Variants in CSPP1 observed in about 807,000 individuals in gnomAD.
The protein encoded by CSPP1 is centrosome and spindle pole associated protein 1, also known as centrosome and spindle pole-associated protein 1.
Under a neutral mutation model 164.4 loss-of-function variants are expected in CSPP1, and 126 were observed. The observed-to-expected ratio is 0.77, with a 90% CI of 0.66 to 0.89. The LOEUF is 0.89. Among genes scored for constraint, CSPP1 ranks in the 40% least tolerant of loss-of-function variants. The pLI is 0.00. For missense variants in CSPP1, 1,395 were observed against 1,449.8 expected (o/e 0.96, Z 0.61); for synonymous variants, 472 against 476.7 (o/e 0.99, Z 0.13).
rs191456069 is a variant in CSPP1 at position 67,094,233 on chromosome 8, A to G, written c.483+592A>G. On this transcript the variant is annotated intron_variant, in intron 6 of 30. Coordinates refer to ENST00000678616, the MANE Select transcript of CSPP1 (RefSeq NM_001382391.1). ...TTAATTTGAAATATTTTGAAGTAAT[A>G]TCTCCTGGGATAGGAATTTGCATTT... Among the ~76,000 whole-genome samples, 196 of 144,230 alleles carry G rather than the reference A, an allele frequency of 1.4e-3. 1 individual carries two copies. Among genetic ancestry groups the G allele is most frequent in the Middle Eastern group, 7.4e-3 (2 of 272 alleles). The allele number at this position is 144,230 out of a possible 152,430, so 94.6% of individuals were successfully genotyped here.
At chr8:67,193,675 A>G in intron 30 of CSPP1, 73 bp downstream of exon 30, 1 of 1,333,968 alleles carries the variant, frequency 7.5e-7, no homozygotes. Context: ...CAAGGCTTTC[A>G]CTAACGTCTG....
chr8:67,064,400 T>G lies in CSPP1; in HGVS notation c.-149T>G, dbSNP rs768356971. On this transcript the variant is annotated 5_prime_UTR_variant, in exon 1 of 31. It removes an upstream start codon present in the reference 5' UTR. Transcript: ENST00000678616. ...GGAGCCCCGGCCCGGAGGTCTGTCATGCTGTTCCCGCTCCAGGTGGCCGCT... is the reference window on the plus strand; with the variant it reads ...GGAGCCCCGGCCCGGAGGTCTGTCAGGCTGTTCCCGCTCCAGGTGGCCGCT... 1 of 1,613,406 alleles carries G rather than the reference T, an allele frequency of 6.2e-7. No homozygotes were observed. The highest frequency in any genetic ancestry group is 1.1e-5 in the South Asian group (1 of 91,038).
Position 67,113,851 on chromosome 8 carries a change from C to G in CSPP1, c.1234C>G (p.Pro412Ala), listed in dbSNP as rs201880658. 6.3e-6 allele frequency: 10 copies of G among 1,581,268 alleles called. No individual in the cohort carries two copies. Among genetic ancestry groups the G allele is most frequent in the East Asian group, 2.3e-5 (1 of 44,210 alleles). Residue 412 changes from proline to alanine, a missense_variant, in exon 11 of 31, where the codon CCT becomes GCT. By Grantham distance (27) the Pro-to-Ala change is conservative. Transcript: ENST00000678616. ...GGTTGCAGCGTCTGGAGCACAAGAC[C>G]CTGAGAAATCGGTAAGGGTTTCTGG... ...LRVAASGAQD[P>A]EKSWNELLTS...
intron 24 of CSPP1, among the ~76,000 whole-genome samples, chr8:67,170,371 T>G (rs980514650): frequency 1.3e-5 from 2 of 151,902 alleles, no homozygotes; most frequent in African/African-American, 4.8e-5. Context: ...GCAGGAGAAT[T>G]GCTTGAACTG....
rs112290914 is a variant in CSPP1 at position 67,102,343 on chromosome 8, A to G, written c.924-694A>G. 3.1e-3 allele frequency among the ~76,000 whole-genome samples: 465 copies of G among 152,334 alleles called. 2 individuals carry two copies. Among genetic ancestry groups the G allele is most frequent in the Non-Finnish European group, 4.6e-3 (314 of 68,020 alleles). On this transcript the variant is annotated intron_variant, in intron 7 of 30. Transcript: ENST00000678616. ...CGCGGTGGCTCATGCTTGTAATCCC[A>G]GCACTTTGGGAGGCCAAGGCGGGAG... is the stretch of plus-strand genomic sequence containing the variant.
chr8:67,132,594 T>C (rs1821452832), intron 16 of CSPP1, among the ~76,000 whole-genome samples: 1 of 152,146 alleles, frequency 6.6e-6, no homozygotes, highest in African/African-American at 2.4e-5. Flanking sequence ...TAGTAGATAG[T>C]CCAGTAAGGA....
chr8:67,085,864 G>C (rs1039445117), intron 3 of CSPP1, 143 bp from the exon 4 acceptor site: 2 of 590,444 alleles, frequency 3.4e-6, no homozygotes, highest in East Asian at 5.7e-5. Flanking sequence ...TATCTATTGA[G>C]ACATTTTAAG....
At chr8:67,191,926 T>C (rs1836363313) in intron 29 of CSPP1, among the ~76,000 whole-genome samples, 1 of 152,220 alleles carries the variant, frequency 6.6e-6, no homozygotes, top group Admixed American at 6.5e-5. Flanking sequence ...CTTTTGATTT[T>C]AGCCATCTAT....
intron 17 of CSPP1, among the ~76,000 whole-genome samples, chr8:67,148,872 T>G (rs577139130): frequency 6.6e-6 from 1 of 152,332 alleles, no homozygotes; most frequent in South Asian, 2.1e-4. Context: ...ATTTTTGCTG[T>G]GTGTATTAGA....
intron 24 of CSPP1, among the ~76,000 whole-genome samples, chr8:67,165,111 C>T (rs1054496543): frequency 5.3e-5 from 8 of 152,122 alleles, no homozygotes; most frequent in Admixed American, 3.3e-4. Context: ...AGTGAAACCC[C>T]GTCTCTACTA....
chr8:67,120,542 T>C (rs1818773658), intron 15 of CSPP1, among the ~76,000 whole-genome samples: 1 of 152,198 alleles, frequency 6.6e-6, no homozygotes, highest in Admixed American at 6.5e-5. Flanking sequence ...CTTTCAGCAA[T>C]ATTTCATAGT....
intron 1 of CSPP1, chr8:67,065,670 G>T (rs891230365): frequency 9.6e-6 from 2 of 207,670 alleles, no homozygotes; most frequent in Non-Finnish European, 1.7e-5. Flanking sequence ...TGGAGACAGG[G>T]TCTCGCTCTG....
At position 67,175,451 on chromosome 8, in the gene CSPP1, T is replaced by C. The variant is rs1831370603; in HGVS notation, c.3109+15T>C. The C allele has an allele frequency of 1.2e-6, 2 of 1,613,948 alleles. No homozygotes were observed. Among genetic ancestry groups the C allele is most frequent in the Non-Finnish European group, 1.7e-6 (2 of 1,179,830 alleles). On this transcript the variant is annotated intron_variant, in intron 26 of 30. Coordinates refer to ENST00000678616, the MANE Select transcript of CSPP1 (RefSeq NM_001382391.1). ...AGGTGCCAAAGGTAAGAAATAATCA[T>C]TGCTGTGTCAAATAGTATCAGCACG...
At chr8:67,192,078 GTT>G (rs71249424) in intron 29 of CSPP1, among the ~76,000 whole-genome samples, 4 of 127,710 alleles carry the variant, frequency 3.1e-5, no homozygotes, top group Admixed American at 2.3e-4. Flanking sequence ...TTTTTTTTTT[GTT>G]TTTTTTTTTT....
rs780284845 is a variant in CSPP1 at position 67,161,891 on chromosome 8, C to T, written c.2619C>T (p.Asp873=). 4 of 1,609,512 alleles carry T rather than the reference C, an allele frequency of 2.5e-6. No individual in the cohort carries two copies. Among genetic ancestry groups the T allele is most frequent in the Non-Finnish European group, 3.4e-6 (4 of 1,176,054 alleles). Residue 873 remains aspartate (D), a synonymous_variant, in exon 22 of 31, where the codon GAC becomes GAT. Coordinates refer to ENST00000678616, the MANE Select transcript of CSPP1 (RefSeq NM_001382391.1). The part of the protein sequence containing the change: ...ASKLQRPPSV[D]SIIRSFIHES... ...AACTCCAAAGACCTCCTTCAGTTGA[C>T]AGCATCATACGTTCCTTTATTCATG... is the stretch of plus-strand genomic sequence containing the variant.
chr8:67,189,901 G>A (rs1451220115), intron 28 of CSPP1, among the ~76,000 whole-genome samples: 3 of 152,150 alleles, frequency 2.0e-5, no homozygotes, highest in Non-Finnish European at 4.4e-5. Context: ...ATTTGTCCAT[G>A]TCAAATTAGC....
intron 22 of CSPP1, among the ~76,000 whole-genome samples, 196 bp from the exon 23 acceptor site, chr8:67,163,536 T>C (rs1286986138): frequency 6.6e-6 from 1 of 152,110 alleles, no homozygotes; most frequent in Non-Finnish European, 1.5e-5. Flanking sequence ...TAGATTTACA[T>C]GGTAGATACA....
intron 20 of CSPP1, 45 bp from the exon 21 acceptor site, chr8:67,158,946 A>G (rs749861194): frequency 1.4e-5 from 20 of 1,457,768 alleles, no homozygotes; most frequent in South Asian, 1.3e-4. Flanking sequence ...TGAATGTACT[A>G]TAGAAGGAAT....
At chr8:67,140,383 C>G (rs1823260013) in intron 17 of CSPP1, among the ~76,000 whole-genome samples, 1 of 152,116 alleles carries the variant, frequency 6.6e-6, no homozygotes, top group African/African-American at 2.4e-5. Context: ...CTGTGCCCAG[C>G]CTACTTTAAT....
Sources: gnomAD v4.1 joint callset for allele counts (sites outside exome capture counted in the v4.1 genomes callset) on GRCh38, gnomAD v4.1.1 for gene constraint, MANE v1.5 for transcripts, NCBI Gene and HGNC (gene_info 2026-07-23, HGNC 2026-07-21) for gene names.